Variants in SPRR2G observed in about 807,000 individuals in gnomAD.
SPRR2G encodes the protein small proline-rich protein 2G.
Under a neutral mutation model 0.7 loss-of-function variants are expected in SPRR2G, and 1 was observed. The observed-to-expected ratio is 1.49, with a 90% CI of 0.53 to 7.06. SPRR2G has a LOEUF of 7.06. Among genes scored for constraint, SPRR2G ranks in the 30% most tolerant of loss-of-function variants. The pLI is 0.14. For synonymous variants in SPRR2G, 38 were observed against 33.9 expected (o/e 1.12, Z -0.42); for missense variants, 96 against 88.5 (o/e 1.09, Z -0.34).
the SPRR2G span, among the ~76,000 whole-genome samples, chr1:153,202,720 C>T: frequency 2.6e-5 from 4 of 152,272 alleles, no homozygotes; most frequent in South Asian, 8.3e-4. Flanking sequence ...TATTTAAATA[C>T]CTTAGGCATA....
chr1:153,201,483 C>T, the SPRR2G span, among the ~76,000 whole-genome samples: 1 of 152,130 alleles, frequency 6.6e-6, no homozygotes, highest in African/African-American at 2.4e-5. Flanking sequence ...TAGCTTTGGT[C>T]CAGAGCTGAA....
the SPRR2G span, among the ~76,000 whole-genome samples, chr1:153,163,263 A>T: frequency 3.9e-5 from 6 of 152,206 alleles, no homozygotes; most frequent in Admixed American, 3.9e-4. Context: ...CATGTGATTG[A>T]TAAAAATGGA....
chr1:153,161,582 C>A, the SPRR2G span, among the ~76,000 whole-genome samples: 1 of 152,090 alleles, frequency 6.6e-6, no homozygotes, highest in Non-Finnish European at 1.5e-5. Context: ...TTTGATGCAG[C>A]CCCACTTGTC....
At chr1:153,202,738 C>A in the SPRR2G span, among the ~76,000 whole-genome samples, 1 of 152,204 alleles carries the variant, frequency 6.6e-6, no homozygotes. Context: ...ATAATCATGT[C>A]ACAATTTTAA....
At chr1:153,169,000 G>C in the SPRR2G span, among the ~76,000 whole-genome samples, 1 of 151,648 alleles carries the variant, frequency 6.6e-6, no homozygotes, top group African/African-American at 2.4e-5. Flanking sequence ...AAAATCCTAA[G>C]CCTCCCAACT....
At chr1:153,198,094 A>G in the SPRR2G span, among the ~76,000 whole-genome samples, 1 of 152,190 alleles carries the variant, frequency 6.6e-6, no homozygotes. Flanking sequence ...AAGGTGAGAG[A>G]AATCATGCCC....
the SPRR2G span, among the ~76,000 whole-genome samples, chr1:153,159,982 G>A: frequency 6.6e-6 from 1 of 152,132 alleles, no homozygotes; most frequent in East Asian, 1.9e-4. Flanking sequence ...GTTAACCATA[G>A]GTATTATATT....
the SPRR2G span, among the ~76,000 whole-genome samples, chr1:153,169,550 C>G: frequency 5.8e-3 from 801 of 138,244 alleles, 10 homozygotes; most frequent in African/African-American, 0.022. Context: ...TGGCAACAGA[C>G]CCAGACTCCA....
the SPRR2G span, among the ~76,000 whole-genome samples, chr1:153,179,596 G>A: frequency 7.9e-5 from 12 of 152,160 alleles, no homozygotes; most frequent in Non-Finnish European, 1.8e-4. Flanking sequence ...AATAATGATA[G>A]TAGTCATAAT....
At chr1:153,154,105 T>G (rs948383515), upstream of SPRR2G, among the ~76,000 whole-genome samples, 1 of 152,118 alleles carries the variant, frequency 6.6e-6, no homozygotes, top group African/African-American at 2.4e-5. Context: ...ATTCTGTTTA[T>G]GTAGTGTATC....
At chr1:153,173,159 T>G in the SPRR2G span, among the ~76,000 whole-genome samples, 1 of 152,188 alleles carries the variant, frequency 6.6e-6, no homozygotes. Flanking sequence ...TCACTTAAAT[T>G]GAAGTCAAAT....
chr1:153,201,309 A>C, the SPRR2G span, among the ~76,000 whole-genome samples: 4 of 152,242 alleles, frequency 2.6e-5, no homozygotes, highest in African/African-American at 9.6e-5. Flanking sequence ...CAAACGTCCT[A>C]CTGAAAGTCC....
chr1:153,190,185 C>A, the SPRR2G span: 4 of 152,470 alleles, frequency 2.6e-5, no homozygotes, highest in African/African-American at 7.2e-5. Flanking sequence ...TCCCCAGGTG[C>A]CTGAGCCCTG....
the SPRR2G span, among the ~76,000 whole-genome samples, chr1:153,158,255 G>T: frequency 6.6e-6 from 1 of 152,198 alleles, no homozygotes; most frequent in South Asian, 2.1e-4. Context: ...TCAAAAACAA[G>T]TTAGTTGCTT....
At position 153,150,121 on chromosome 1, in the gene SPRR2G, T is replaced by C; in HGVS notation, c.-11A>G. The C allele has an allele frequency of 3.1e-6, 5 of 1,611,532 alleles. No individual in the cohort carries two copies. Among genetic ancestry groups the C allele is most frequent in the Non-Finnish European group, 4.2e-6 (5 of 1,179,830 alleles). Reference sequence around the variant, plus strand: ...CTGCTGGTAAGACATCTCTCCTCAGTCTCAGAGAATCTGAAAGATACATAC... The same window carrying C: ...CTGCTGGTAAGACATCTCTCCTCAGCCTCAGAGAATCTGAAAGATACATAC... On this transcript the variant is annotated 5_prime_UTR_variant, in exon 2 of 2. Coordinates refer to ENST00000368748, the MANE Select transcript of SPRR2G (RefSeq NM_001014291.4).
chr1:153,174,016 T>C, the SPRR2G span, among the ~76,000 whole-genome samples: 186 of 152,330 alleles, frequency 1.2e-3, 1 homozygote, highest in Non-Finnish European at 1.8e-3. Flanking sequence ...CAGAAATTCA[T>C]CTATGAGAAG....
intron 1 of SPRR2G, 107 bp from the exon 2 acceptor site, chr1:153,150,238 A>AG: frequency 6.8e-7 from 1 of 1,475,788 alleles, no homozygotes; most frequent in Non-Finnish European, 9.1e-7. Flanking sequence ...TTTGATCCCT[A>AG]ATACAGTCTT....
chr1:153,191,401 C>G, the SPRR2G span: 8 of 152,222 alleles, frequency 5.3e-5, no homozygotes, highest in Non-Finnish European at 7.3e-5. Flanking sequence ...TCTCACACTA[C>G]TTGGCCTTGA....
the SPRR2G span, chr1:153,176,111 A>G: frequency 1.1e-4 from 17 of 152,166 alleles, no homozygotes; most frequent in African/African-American, 4.1e-4. Flanking sequence ...CTTTCCTCCT[A>G]GAAATGAAGA....
Sources: allele counts gnomAD v4.1 joint callset (sites outside exome capture counted in the v4.1 genomes callset), GRCh38; gene constraint gnomAD v4.1.1; transcripts MANE v1.5; gene names NCBI Gene and HGNC (gene_info 2026-07-23, HGNC 2026-07-21).